Variants in IQGAP2 observed in about 807,000 individuals in gnomAD.
IQGAP2 encodes IQ motif containing GTPase activating protein 2.
IQGAP2 carries 173 observed loss-of-function variants against 201.3 expected under a neutral mutation model. The ratio of observed to expected loss-of-function variants is 0.86; its 90% CI spans 0.76 to 0.98. The LOEUF is 0.98. Among genes scored for constraint, IQGAP2 ranks in the 50% least tolerant of loss-of-function variants. The pLI, the probability that IQGAP2 is intolerant of heterozygous loss-of-function variation, is 0.00. For synonymous variants in IQGAP2, 675 were observed against 673.9 expected (o/e 1.00, Z -0.03); for missense variants, 1,687 against 1,864.8 (o/e 0.90, Z 1.76).
At chr5:76,606,991 C>G (rs1747855796) in intron 12 of IQGAP2, 1 of 152,174 alleles carries the variant, frequency 6.6e-6, no homozygotes, top group African/African-American at 2.4e-5. Flanking sequence ...AACAAAGCAA[C>G]ACCATCTTCT....
At chr5:76,682,979 T>G in intron 28 of IQGAP2, 136 bp from the exon 29 acceptor site, 1 of 510,014 alleles carries the variant, frequency 2.0e-6, no homozygotes, top group Non-Finnish European at 3.5e-6. Flanking sequence ...TATCTATGTC[T>G]CTAATTTTTA....
intron 13 of IQGAP2, among the ~76,000 whole-genome samples, chr5:76,611,566 G>A (rs1039433454): frequency 2.0e-5 from 3 of 152,188 alleles, no homozygotes; most frequent in African/African-American, 7.2e-5. Context: ...TCTTCAAAAT[G>A]CTTAGAAACT....
In IQGAP2 at chr5:76,698,009, A is replaced by G. The variant is rs1442571368; in HGVS notation, c.4229A>G (p.Tyr1410Cys). 1 of 1,612,952 alleles carries G rather than the reference A, an allele frequency of 6.2e-7. No homozygotes were observed. Among genetic ancestry groups the G allele is most frequent in the Non-Finnish European group, 8.5e-7 (1 of 1,179,466 alleles). ...IAKDIRNQRI[Y>C]RKLRKAELAK... is the part of the protein sequence containing the mutation. ...TAGGATATTCGAAATCAAAGAATCT[A>G]TCGTAAGCTTCGAAAAGCTGAATTG... Residue 1410 changes from tyrosine to cysteine, a missense_variant, in exon 33 of 36, where the codon TAT (tyrosine) becomes TGT (cysteine). Coordinates refer to ENST00000274364, the MANE Select transcript of IQGAP2 (RefSeq NM_006633.5).
intron 1 of IQGAP2, among the ~76,000 whole-genome samples, chr5:76,451,254 C>T (rs1434155733): frequency 6.6e-6 from 1 of 152,104 alleles, no homozygotes; most frequent in Non-Finnish European, 1.5e-5. Context: ...CCTTTTTCTT[C>T]CCCCATACCG....
chr5:76,519,674 T>C (rs1344461952), intron 2 of IQGAP2, among the ~76,000 whole-genome samples: 3 of 152,262 alleles, frequency 2.0e-5, no homozygotes, highest in African/African-American at 7.2e-5. Flanking sequence ...GTTCTATTTT[T>C]TTCTGCAACT....
chr5:76,482,189 G>C (rs1755833926), intron 2 of IQGAP2, among the ~76,000 whole-genome samples: 1 of 152,206 alleles, frequency 6.6e-6, no homozygotes. Flanking sequence ...CCCAGGGTGA[G>C]TGGATGATAG....
chr5:76,488,955 T>G (rs75464042), intron 2 of IQGAP2, among the ~76,000 whole-genome samples: 187 of 152,274 alleles, frequency 1.2e-3, no homozygotes, highest in African/African-American at 4.3e-3. Flanking sequence ...AGTCCTGTGA[T>G]GTAGGTGTTG....
chr5:76,700,525 C>G (rs528584287), intron 33 of IQGAP2, among the ~76,000 whole-genome samples: 37 of 152,038 alleles, frequency 2.4e-4, no homozygotes, highest in African/African-American at 8.9e-4. Flanking sequence ...AAACCTCCCC[C>G]CAAAAAAGCA....
intron 2 of IQGAP2, among the ~76,000 whole-genome samples, chr5:76,560,093 A>G (rs952608949): frequency 2.6e-5 from 4 of 152,166 alleles, no homozygotes; most frequent in Admixed American, 6.5e-5. Flanking sequence ...TTAACATAGA[A>G]GTGTTTTGGT....
At chr5:76,546,975 C>T (rs1412843456) in intron 2 of IQGAP2, among the ~76,000 whole-genome samples, 4 of 151,874 alleles carry the variant, frequency 2.6e-5, no homozygotes, top group Non-Finnish European at 5.9e-5. Flanking sequence ...CTAGTGAGTC[C>T]CTGTTTGTCA....
chr5:76,522,240 T>C (rs1330438081), intron 2 of IQGAP2, among the ~76,000 whole-genome samples: 2 of 151,296 alleles, frequency 1.3e-5, no homozygotes, highest in African/African-American at 4.9e-5. Flanking sequence ...TGGAGTACAG[T>C]GGCGCAATCT....
chr5:76,588,663 G>A (rs1446877933), intron 5 of IQGAP2, among the ~76,000 whole-genome samples: 1 of 152,144 alleles, frequency 6.6e-6, no homozygotes, highest in East Asian at 1.9e-4. Flanking sequence ...AGCTGGCTCT[G>A]TAGAAGTGCT....
chr5:76,627,629 A>T (rs925463742), intron 14 of IQGAP2, 129 bp downstream of exon 14: 1 of 630,012 alleles, frequency 1.6e-6, no homozygotes, highest in Non-Finnish European at 2.9e-6. Flanking sequence ...ACACATAATT[A>T]TACCGAAATT....
intron 5 of IQGAP2, among the ~76,000 whole-genome samples, chr5:76,583,440 T>C (rs937207098): frequency 5.9e-5 from 9 of 151,772 alleles, no homozygotes; most frequent in African/African-American, 2.2e-4. Flanking sequence ...TCAACATCAA[T>C]GATTTAAAAA....
intron 1 of IQGAP2, among the ~76,000 whole-genome samples, chr5:76,447,719 C>G (rs1404662552): frequency 6.6e-6 from 1 of 152,180 alleles, no homozygotes; most frequent in East Asian, 1.9e-4. Flanking sequence ...AAACCAGGAG[C>G]TGCTGGTATG....
In IQGAP2 at chr5:76,671,841, C is replaced by T. The variant is rs1032391778; in HGVS notation, c.2926C>T (p.Arg976Trp). The change falls in exon 24 of 36, where the codon CGG becomes TGG. Residue 976 changes from arginine (R) to tryptophan (W), a missense_variant. Coordinates refer to ENST00000274364, the MANE Select transcript of IQGAP2 (RefSeq NM_006633.5). ...GGTCGTCAGCTTCAATAGAGGTGCC[C>T]GGGGACAGAACACCCTGCGCCAACT... Reference protein sequence around the residue: ...KMVVSFNRGARGQNTLRQLLA... With the variant: ...KMVVSFNRGAWGQNTLRQLLA... The T allele has an allele frequency of 8.1e-6, 13 of 1,613,818 alleles. No individual in the cohort carries two copies. The highest frequency in any genetic ancestry group is 6.7e-5 in the Admixed American group (4 of 59,982).
rs190829021 is a variant in IQGAP2, at chr5:76,543,448, G to A, written c.147-18948G>A. 1.9e-3 allele frequency among the ~76,000 whole-genome samples: 286 copies of A among 152,260 alleles called. 3 individuals are homozygous for A. The highest frequency in any genetic ancestry group is 2.2e-3 in the Non-Finnish European group (152 of 68,002). ...GCGGGCCTCAGAGCCTAGGTGGACC[G>A]GCCTCCTTGCCTTCACTCTCAGGCA... On this transcript the variant is annotated intron_variant, in intron 2 of 35. Transcript: ENST00000274364.
At chr5:76,505,356 G>C (rs190145277) in intron 2 of IQGAP2, among the ~76,000 whole-genome samples, 80 of 152,312 alleles carry the variant, frequency 5.3e-4, no homozygotes, top group Non-Finnish European at 7.1e-4. Flanking sequence ...ACCCAGAGCT[G>C]AGCCAACACC....
rs1302094846 is a variant in IQGAP2 at position 76,708,117 on chromosome 5, T to C, written c.*804T>C. 2.4e-5 allele frequency: 1 copy of C among 41,078 alleles called. No individual in the cohort carries two copies. Among genetic ancestry groups the C allele is most frequent in the Non-Finnish European group, 4.3e-5 (1 of 23,088 alleles). The allele number at this position is 41,078 out of a possible 1,614,324, so 2.5% of individuals were successfully genotyped here. A position where few individuals can be genotyped will look rare whatever the true frequency, so the allele number is the denominator to read the frequency against. On this transcript the variant is annotated 3_prime_UTR_variant, in exon 36 of 36. Coordinates refer to ENST00000274364, the MANE Select transcript of IQGAP2 (RefSeq NM_006633.5). Reference sequence around the variant, plus strand: ...AAATTGTTTTATGTAAAATAAATGTTACTTAATTCCATTAATTTGGCTTTT... The same window carrying C: ...AAATTGTTTTATGTAAAATAAATGTCACTTAATTCCATTAATTTGGCTTTT...
Sources: allele counts gnomAD v4.1 joint callset (sites outside exome capture counted in the v4.1 genomes callset), GRCh38; gene constraint gnomAD v4.1.1; transcripts MANE v1.5; gene names NCBI Gene and HGNC (gene_info 2026-07-23, HGNC 2026-07-21).